Variants in MORC1 observed in about 807,000 individuals in gnomAD.
The protein encoded by MORC1 is MORC family CW-type zinc finger protein 1.
A neutral mutation model predicts 134.9 loss-of-function variants in MORC1; 59 were observed. That is an observed-to-expected ratio of 0.44 (90% CI 0.35 to 0.54). The LOEUF (loss-of-function observed/expected upper bound fraction) is 0.54. MORC1 is among the 20% of genes least tolerant of loss of function. The pLI, the probability that MORC1 is intolerant of heterozygous loss-of-function variation, is 0.00. For synonymous variants in MORC1, 395 were observed against 391.7 expected, an observed-to-expected ratio of 1.01 and a Z score of -0.10; for missense variants, 947 against 1,134.5, an observed-to-expected ratio of 0.83 and a Z score of 2.37.
chr3:109,104,083 G>C (rs1950978255), intron 3 of MORC1, among the ~76,000 whole-genome samples, 166 bp from the exon 4 acceptor site: 1 of 152,174 alleles, frequency 6.6e-6, no homozygotes, highest in South Asian at 2.1e-4. Context: ...AGCTTCACAA[G>C]AAACTGCAGG....
At chr3:109,089,911 G>A (rs1950683381) in intron 8 of MORC1, among the ~76,000 whole-genome samples, 2 of 151,876 alleles carry the variant, frequency 1.3e-5, no homozygotes, top group South Asian at 2.1e-4. Flanking sequence ...AGTTTACGGC[G>A]ACATATAAAT....
At chr3:109,078,712 C>T (rs1950469743) in intron 8 of MORC1, among the ~76,000 whole-genome samples, 1 of 151,674 alleles carries the variant, frequency 6.6e-6, no homozygotes, top group Non-Finnish European at 1.5e-5. Flanking sequence ...TCCCAGCAGA[C>T]TTAATTTTAA....
At chr3:108,962,574 C>T (rs1559856030) in intron 27 of MORC1, among the ~76,000 whole-genome samples, 1 of 152,178 alleles carries the variant, frequency 6.6e-6, no homozygotes, top group Non-Finnish European at 1.5e-5. Flanking sequence ...CAGGAAGGCT[C>T]TGTCTCCTGT....
chr3:109,036,932 C>T (rs1949392894), intron 14 of MORC1, among the ~76,000 whole-genome samples: 1 of 152,180 alleles, frequency 6.6e-6, no homozygotes. Flanking sequence ...AAATACTAAT[C>T]TGCCGTGTTG....
At chr3:109,044,018 A>T (rs569368391) in intron 14 of MORC1, among the ~76,000 whole-genome samples, 1 of 152,230 alleles carries the variant, frequency 6.6e-6, no homozygotes, top group Non-Finnish European at 1.5e-5. Context: ...GAAAGCACAC[A>T]GCTAATTTTC....
intron 21 of MORC1, among the ~76,000 whole-genome samples, chr3:108,996,785 C>T (rs188061782): frequency 4.6e-5 from 7 of 151,234 alleles, no homozygotes; most frequent in Non-Finnish European, 8.9e-5. Context: ...CTGAGGCGGG[C>T]GGATCATGAG....
chr3:109,064,672 T>C (rs753344675), intron 9 of MORC1, among the ~76,000 whole-genome samples: 1 of 152,172 alleles, frequency 6.6e-6, no homozygotes, highest in Non-Finnish European at 1.5e-5. Context: ...CATAACTGCA[T>C]TGGAGTATTC....
At chr3:109,052,235 A>G (rs956288605) in intron 14 of MORC1, among the ~76,000 whole-genome samples, 2 of 152,188 alleles carry the variant, frequency 1.3e-5, no homozygotes, top group Non-Finnish European at 2.9e-5. Flanking sequence ...CAATGTAATG[A>G]GTCTCATGTT....
At chr3:109,010,254 A>G (rs1948652434) in intron 17 of MORC1, among the ~76,000 whole-genome samples, 1 of 152,130 alleles carries the variant, frequency 6.6e-6, no homozygotes, top group Non-Finnish European at 1.5e-5. Context: ...CCTTTGCTCT[A>G]TATCCCCACT....
At chr3:108,989,753 G>A (rs115511430) in intron 21 of MORC1, among the ~76,000 whole-genome samples, 10 of 152,114 alleles carry the variant, frequency 6.6e-5, no homozygotes, top group Non-Finnish European at 1.3e-4. Context: ...GTTTGCACTC[G>A]TCCACAGTTA....
At chr3:108,979,310 T>C (rs920213842) in intron 24 of MORC1, among the ~76,000 whole-genome samples, 1 of 152,222 alleles carries the variant, frequency 6.6e-6, no homozygotes, top group Non-Finnish European at 1.5e-5. Context: ...TGCCAGACTA[T>C]GTAACAACAG....
intron 20 of MORC1, among the ~76,000 whole-genome samples, 171 bp downstream of exon 20, chr3:109,004,646 T>C (rs1176902216): frequency 1.3e-5 from 2 of 152,204 alleles, no homozygotes; most frequent in Non-Finnish European, 2.9e-5. Flanking sequence ...CACTTAGTAA[T>C]ACATTAACAT....
At chr3:109,065,415 A>T (rs1950174651) in intron 9 of MORC1, among the ~76,000 whole-genome samples, 1 of 151,764 alleles carries the variant, frequency 6.6e-6, no homozygotes. Flanking sequence ...TTATTGCATA[A>T]CTCACTGTGC....
chr3:109,000,375 A>C (rs553463051), intron 21 of MORC1, among the ~76,000 whole-genome samples, 182 bp downstream of exon 21: 13 of 152,300 alleles, frequency 8.5e-5, no homozygotes, highest in Admixed American at 1.3e-4. Flanking sequence ...AGTTCCAGAT[A>C]TATCCCTACT....
chr3:109,058,443 C>G (rs1950010386), intron 12 of MORC1, among the ~76,000 whole-genome samples: 1 of 152,096 alleles, frequency 6.6e-6, no homozygotes, highest in Non-Finnish European at 1.5e-5. Context: ...TGTAGCTCCC[C>G]TCTCTCCACA....
Position 109,036,389 on chromosome 3 carries a change from G to C in MORC1, c.1331-921C>G, listed in dbSNP as rs751388161. On this transcript the variant is annotated intron_variant, in intron 14 of 27. Transcript: ENST00000232603. ...TTTTCCTGAATGGATACAAAAGAAA[G>C]TTTTAACAGTGGATATCTTTAGAGC... Among the ~76,000 whole-genome samples, 175 of 152,108 alleles carry C rather than the reference G, an allele frequency of 1.2e-3. 2 individuals carry two copies. Among genetic ancestry groups the C allele is most frequent in the Admixed American group, 1.1e-3 (17 of 15,274 alleles).
intron 26 of MORC1, 42 bp downstream of exon 26, chr3:108,969,627 G>C: frequency 6.5e-7 from 1 of 1,544,520 alleles, no homozygotes; most frequent in Non-Finnish European, 9.0e-7. Flanking sequence ...TCGAACACAG[G>C]ATCATTTAGA....
At chr3:109,056,332 A>T (rs187095407) in intron 13 of MORC1, among the ~76,000 whole-genome samples, 138 of 152,222 alleles carry the variant, frequency 9.1e-4, no homozygotes, top group Non-Finnish European at 1.6e-3. Context: ...GGTTCATGCC[A>T]TTCTCCTGCC....
At chr3:109,032,540 G>A (rs534989779) in intron 16 of MORC1, among the ~76,000 whole-genome samples, 180 bp downstream of exon 16, 72 of 152,116 alleles carry the variant, frequency 4.7e-4, no homozygotes, top group Non-Finnish European at 7.6e-4. Context: ...TCTATTACTT[G>A]ATGGAAAAGC....
Sources: gnomAD v4.1 joint callset for allele counts (sites outside exome capture counted in the v4.1 genomes callset) on GRCh38, gnomAD v4.1.1 for gene constraint, MANE v1.5 for transcripts, NCBI Gene and HGNC (gene_info 2026-07-23, HGNC 2026-07-21) for gene names.